TMEM266: variants seen among roughly 807,000 people sequenced by gnomAD.
TMEM266 encodes transmembrane protein 266.
In TMEM266, 33 loss-of-function variants were observed where a neutral mutation model predicts 50.5. The observed-to-expected ratio is 0.65, with a 90% CI of 0.50 to 0.87. The LOEUF (loss-of-function observed/expected upper bound fraction) is 0.87. TMEM266 is among the 40% of genes least tolerant of loss of function. The pLI, the probability that TMEM266 is intolerant of heterozygous loss-of-function variation, is 0.00. For synonymous variants in TMEM266, 310 were observed against 292.3 expected (o/e 1.06, Z -0.62); for missense variants, 655 against 695.1 (o/e 0.94, Z 0.65).
chr15:76,142,348 A>G lies in TMEM266; in HGVS notation c.227+4453A>G, dbSNP rs187446164. On this transcript the variant is annotated intron_variant, in intron 3 of 10. Transcript: ENST00000388942. ...AGGTTGCAGTGAGTTGAGATCACGC[A>G]GCCACTGCACTCCAGCCTGGGTGAC... Among the ~76,000 whole-genome samples the G allele has an allele frequency of 3.0e-3, 458 of 150,958 alleles. 5 individuals carry two copies. Among genetic ancestry groups the G allele is most frequent in the South Asian group, 0.015 (72 of 4,822 alleles).
intron 2 of TMEM266, among the ~76,000 whole-genome samples, chr15:76,135,493 G>C (rs1882730349): frequency 6.6e-6 from 1 of 152,230 alleles, no homozygotes; most frequent in African/African-American, 2.4e-5. Context: ...TTATTGATCA[G>C]AAAGTTCTCT....
At chr15:76,061,724 A>C (rs2036307281) in intron 1 of TMEM266, among the ~76,000 whole-genome samples, 1 of 152,232 alleles carries the variant, frequency 6.6e-6, no homozygotes, top group South Asian at 2.1e-4. Flanking sequence ...AGTTGAGTTT[A>C]AAAAGTTGTT....
chr15:76,087,885 C>T (rs952337524), intron 1 of TMEM266, among the ~76,000 whole-genome samples: 2 of 152,216 alleles, frequency 1.3e-5, no homozygotes, highest in African/African-American at 4.8e-5. Context: ...CAAACCTCAG[C>T]AGCTCCTTTC....
At chr15:76,173,942 TAAAA>T (rs1223957903) in intron 7 of TMEM266, among the ~76,000 whole-genome samples, 2 of 121,990 alleles carry the variant, frequency 1.6e-5, no homozygotes, top group East Asian at 4.8e-4. Context: ...CAAAAAAAAA[TAAAA>T]AAAAAAAAAA....
intron 3 of TMEM266, among the ~76,000 whole-genome samples, chr15:76,145,063 C>T (rs2037736441): frequency 6.6e-6 from 1 of 152,242 alleles, no homozygotes; most frequent in Non-Finnish European, 1.5e-5. Context: ...GATGCAGGTA[C>T]CATGGAGTCC....
At chr15:76,098,540 G>T (rs1363260547) in intron 1 of TMEM266, among the ~76,000 whole-genome samples, 1 of 152,142 alleles carries the variant, frequency 6.6e-6, no homozygotes, top group Non-Finnish European at 1.5e-5. Flanking sequence ...CTGTCTCCCA[G>T]TTAGGATACA....
intron 8 of TMEM266, among the ~76,000 whole-genome samples, chr15:76,184,682 C>A (rs145432875): frequency 6.6e-6 from 1 of 152,164 alleles, no homozygotes. Flanking sequence ...ACTCCACAAC[C>A]GGACCATTAA....
intron 1 of TMEM266, among the ~76,000 whole-genome samples, chr15:76,125,000 C>T (rs2037398592): frequency 6.6e-6 from 1 of 152,030 alleles, no homozygotes; most frequent in South Asian, 2.1e-4. Context: ...AACAGGCTGA[C>T]CAATGGAACA....
intron 3 of TMEM266, among the ~76,000 whole-genome samples, chr15:76,149,307 C>G (rs535377167): frequency 2.8e-4 from 43 of 152,238 alleles, no homozygotes; most frequent in African/African-American, 1.0e-3. Context: ...TTTGAGTGGT[C>G]TAGAACTAGG....
intron 8 of TMEM266, chr15:76,175,963 T>C: frequency 3.4e-6 from 1 of 296,684 alleles, no homozygotes; most frequent in Non-Finnish European, 6.3e-6. Context: ...AGTCGCCCCC[T>C]CAGTTCATCA....
At chr15:76,093,674 T>C (rs1372506665) in intron 1 of TMEM266, among the ~76,000 whole-genome samples, 1 of 152,080 alleles carries the variant, frequency 6.6e-6, no homozygotes, top group East Asian at 1.9e-4. Context: ...TTCTAGATCC[T>C]TGAGGAATCA....
intron 3 of TMEM266, among the ~76,000 whole-genome samples, chr15:76,138,821 C>T (rs549257153): frequency 6.6e-6 from 1 of 152,328 alleles, no homozygotes; most frequent in Non-Finnish European, 1.5e-5. Context: ...TTCTCATTAG[C>T]GTGGTCTGTC....
intron 8 of TMEM266, among the ~76,000 whole-genome samples, chr15:76,184,847 G>A (rs900087197): frequency 3.9e-5 from 6 of 152,198 alleles, no homozygotes; most frequent in Admixed American, 6.5e-5. Flanking sequence ...GATCTGGGCA[G>A]GTTATCTGAT....
intron 1 of TMEM266, among the ~76,000 whole-genome samples, chr15:76,095,851 A>G (rs1262603027): frequency 6.6e-6 from 1 of 151,974 alleles, no homozygotes; most frequent in Non-Finnish European, 1.5e-5. Context: ...GGGAGGGTGT[A>G]TGTGTCCAGG....
rs574593556 is a variant in TMEM266, at chr15:76,160,831, A to T, written c.456+663A>T. ...ATCTCTGTGGTGAGGGGAGGGGGAAAGTTTATGGAGATCCGCAGGCCCCCG... is the reference window on the plus strand; with the variant it reads ...ATCTCTGTGGTGAGGGGAGGGGGAATGTTTATGGAGATCCGCAGGCCCCCG... On this transcript the variant is annotated intron_variant, in intron 5 of 10. Coordinates refer to ENST00000388942, the MANE Select transcript of TMEM266 (RefSeq NM_152335.3). The surrounding 1 kb of genome is among the most constrained non-coding windows in gnomAD (Gnocchi z 5.7). 6.6e-6 allele frequency among the ~76,000 whole-genome samples: 1 copy of T among 152,086 alleles called. No individual in the cohort carries two copies. The highest frequency in any genetic ancestry group is 2.4e-5 in the African/African-American group (1 of 41,398).
intron 1 of TMEM266, among the ~76,000 whole-genome samples, chr15:76,075,976 C>T (rs1374500212): frequency 1.3e-5 from 2 of 150,266 alleles, no homozygotes; most frequent in African/African-American, 4.9e-5. Flanking sequence ...CCTCCCTCAA[C>T]CCCCCGAGTA....
chr15:76,093,386 G>T (rs537322359), intron 1 of TMEM266, among the ~76,000 whole-genome samples: 2 of 151,734 alleles, frequency 1.3e-5, no homozygotes, highest in East Asian at 3.9e-4. Flanking sequence ...AGAACATGCG[G>T]TGTTTGATTT....
At chr15:76,144,041 A>G (rs981375446) in intron 3 of TMEM266, among the ~76,000 whole-genome samples, 3 of 152,140 alleles carry the variant, frequency 2.0e-5, no homozygotes, top group African/African-American at 7.2e-5. Flanking sequence ...TTCTTGTCTG[A>G]CCTGAATCAT....
At chr15:76,070,937 A>G (rs1243887606) in intron 1 of TMEM266, among the ~76,000 whole-genome samples, 2 of 152,214 alleles carry the variant, frequency 1.3e-5, no homozygotes, top group Non-Finnish European at 2.9e-5. Flanking sequence ...GAAAGAGGAA[A>G]GTGCTCAGTC....
Sources: gnomAD v4.1 joint callset for allele counts (sites outside exome capture counted in the v4.1 genomes callset) on GRCh38, gnomAD v4.1.1 for gene constraint, Gnocchi (gnomAD v3.1) non-coding constraint, MANE v1.5 for transcripts, NCBI Gene and HGNC (gene_info 2026-07-23, HGNC 2026-07-21) for gene names.